CFAP299: variants seen among roughly 807,000 people sequenced by gnomAD.
CFAP299 encodes the protein cilia and flagella associated protein 299.
Under a neutral mutation model 27.0 loss-of-function variants are expected in CFAP299, and 21 were observed. The ratio of observed to expected loss-of-function variants is 0.78; its 90% CI spans 0.55 to 1.12. The LOEUF is 1.12. Among genes scored for constraint, CFAP299 ranks in the 50% most tolerant of loss-of-function variants. The pLI is 0.00. For missense variants in CFAP299, 310 were observed against 276.6 expected (o/e 1.12, Z -0.86); for synonymous variants, 104 against 98.1 (o/e 1.06, Z -0.36).
chr4:80,692,888 A>T (rs1157177766), intron 3 of CFAP299, among the ~76,000 whole-genome samples: 2 of 152,030 alleles, frequency 1.3e-5, no homozygotes, highest in South Asian at 2.1e-4. Flanking sequence ...TGGGTGAAGG[A>T]CATGAACAGA....
intron 5 of CFAP299, among the ~76,000 whole-genome samples, chr4:80,954,908 G>A (rs1306012834): frequency 6.7e-6 from 1 of 149,010 alleles, no homozygotes; most frequent in Non-Finnish European, 1.5e-5. Flanking sequence ...GCTGAGGCAG[G>A]AGAATGGCGT....
chr4:80,531,747 G>GTTTTTTTTTTTTTTTTTTT (rs200507684), intron 2 of CFAP299, among the ~76,000 whole-genome samples: 1 of 116,488 alleles, frequency 8.6e-6, no homozygotes, highest in Non-Finnish European at 1.7e-5. Flanking sequence ...TAAGATAGAA[G>GTTTTTTTTTTTTTTTTTTT]TTTTTTTTTT....
intron 4 of CFAP299, among the ~76,000 whole-genome samples, chr4:80,925,199 A>G (rs1468659239): frequency 6.6e-6 from 1 of 151,780 alleles, no homozygotes; most frequent in African/African-American, 2.4e-5. Flanking sequence ...GAAGCTTTCT[A>G]ATTTTCATAA....
At chr4:80,739,690 C>T (rs186710695) in intron 3 of CFAP299, among the ~76,000 whole-genome samples, 68 of 151,740 alleles carry the variant, frequency 4.5e-4, no homozygotes, top group African/African-American at 1.4e-3. Context: ...TGTGGTGTTT[C>T]TATAAGCTTC....
At chr4:80,472,818 AT>A (rs1323937084) in intron 2 of CFAP299, among the ~76,000 whole-genome samples, 1 of 152,188 alleles carries the variant, frequency 6.6e-6, no homozygotes, top group Non-Finnish European at 1.5e-5. Context: ...GACGGGGGTA[AT>A]TCAGATGTTC....
intron 4 of CFAP299, among the ~76,000 whole-genome samples, chr4:80,902,590 C>T (rs368258035): frequency 0.017 from 2,016 of 115,890 alleles, 24 homozygotes; most frequent in African/African-American, 0.061. Context: ...AATATATACA[C>T]ACACACACAC....
the CFAP299 span, among the ~76,000 whole-genome samples, chr4:80,330,241 C>A: frequency 6.6e-6 from 1 of 152,114 alleles, no homozygotes; most frequent in African/African-American, 2.4e-5. Flanking sequence ...TGTCTCCTGA[C>A]CTAAGATGTC....
intron 2 of CFAP299, among the ~76,000 whole-genome samples, chr4:80,406,527 G>A (rs1726430447): frequency 6.6e-6 from 1 of 152,012 alleles, no homozygotes; most frequent in African/African-American, 2.4e-5. Flanking sequence ...ACCACACCCA[G>A]CTCATTTTGT....
intron 3 of CFAP299, among the ~76,000 whole-genome samples, chr4:80,591,665 C>G (rs1204545955): frequency 6.6e-6 from 1 of 152,086 alleles, no homozygotes; most frequent in Non-Finnish European, 1.5e-5. Flanking sequence ...GGGCACAGAG[C>G]CAAGGAGTCA....
intron 2 of CFAP299, among the ~76,000 whole-genome samples, chr4:80,403,427 T>C (rs943980635): frequency 1.3e-5 from 2 of 152,226 alleles, no homozygotes; most frequent in African/African-American, 4.8e-5. Context: ...CTGTTTTGAA[T>C]CTTGTTCATC....
intron 2 of CFAP299, among the ~76,000 whole-genome samples, chr4:80,414,569 G>A (rs1726907109): frequency 2.0e-5 from 3 of 152,166 alleles, no homozygotes; most frequent in African/African-American, 7.2e-5. Flanking sequence ...GATTTTCAAA[G>A]CGTTTTGTTG....
chr4:80,526,801 C>G (rs1363554633), intron 2 of CFAP299, among the ~76,000 whole-genome samples: 2 of 152,092 alleles, frequency 1.3e-5, no homozygotes, highest in Non-Finnish European at 2.9e-5. Flanking sequence ...ACCTTACACA[C>G]CTTTTAGATC....
intron 3 of CFAP299, among the ~76,000 whole-genome samples, chr4:80,858,633 A>T (rs1210032867): frequency 6.6e-6 from 1 of 152,030 alleles, no homozygotes; most frequent in Non-Finnish European, 1.5e-5. Flanking sequence ...GGTTTCAAAG[A>T]ACATCTTTAT....
At chr4:80,417,919 G>A (rs191717291) in intron 2 of CFAP299, among the ~76,000 whole-genome samples, 24 of 152,178 alleles carry the variant, frequency 1.6e-4, no homozygotes, top group African/African-American at 5.5e-4. Context: ...AAGCGACAAG[G>A]TACCATCCTA....
intron 4 of CFAP299, among the ~76,000 whole-genome samples, chr4:80,898,006 A>T (rs1186473175): frequency 6.6e-6 from 1 of 151,902 alleles, no homozygotes; most frequent in East Asian, 1.9e-4. Context: ...GCAGGAGCAA[A>T]CTCCATGTGG....
At chr4:80,513,197 C>G (rs1168410622) in intron 2 of CFAP299, among the ~76,000 whole-genome samples, 1 of 152,122 alleles carries the variant, frequency 6.6e-6, no homozygotes. Context: ...ATTGATAAAG[C>G]ATATGCATAT....
chr4:80,923,627 G>A (rs1373834973), intron 4 of CFAP299, among the ~76,000 whole-genome samples: 1 of 151,890 alleles, frequency 6.6e-6, no homozygotes, highest in African/African-American at 2.4e-5. Context: ...TTTCAGTTAC[G>A]ATAGCTGCCA....
chr4:80,791,128 A>T (rs185324746), intron 3 of CFAP299, among the ~76,000 whole-genome samples: 2 of 152,224 alleles, frequency 1.3e-5, no homozygotes, highest in Admixed American at 6.6e-5. Context: ...ACACAGTATT[A>T]GGGTGAATGC....
chr4:80,639,400 T>C (rs1034348859), intron 3 of CFAP299, among the ~76,000 whole-genome samples: 1 of 152,132 alleles, frequency 6.6e-6, no homozygotes, highest in Non-Finnish European at 1.5e-5. Context: ...GGAGAAGATA[T>C]AGGTAAGGGG....
Sources: gnomAD v4.1 joint callset for allele counts (sites outside exome capture counted in the v4.1 genomes callset) on GRCh38, gnomAD v4.1.1 for gene constraint, MANE v1.5 for transcripts, NCBI Gene and HGNC (gene_info 2026-07-23, HGNC 2026-07-21) for gene names.